The following SEPTIN12 variants were observed in gnomAD, a reference collection of about 807,000 sequenced individuals.
The protein encoded by SEPTIN12 is septin-12.
Under a neutral mutation model 37.7 loss-of-function variants are expected in SEPTIN12, and 42 were observed. The ratio of observed to expected loss-of-function variants is 1.11; its 90% CI spans 0.87 to 1.44. The LOEUF (loss-of-function observed/expected upper bound fraction) is 1.44. SEPTIN12 is among the 40% of genes most tolerant of loss of function. SEPTIN12 has a pLI of 0.00. For synonymous variants in SEPTIN12, 254 were observed against 196.7 expected (o/e 1.29, Z -2.44); for missense variants, 613 against 479.2 (o/e 1.28, Z -2.61).
At chr16:4,783,860 T>C (rs112713748) in intron 5 of SEPTIN12, 71 bp downstream of exon 5, 296,301 of 1,605,198 alleles carry the variant, frequency 0.18, 29,862 homozygotes, top group Admixed American at 0.24. Context: ...CGGCAGCCCA[T>C]GGTGGGGACC....
chr16:4,786,059 C>T lies in SEPTIN12; in HGVS notation c.213G>A (p.Lys71=), dbSNP rs768724865. The change falls in exon 3 of 10, where the codon AAG becomes AAA. Residue 71 remains lysine, a synonymous_variant. Transcript: ENST00000268231. ...GKSTMVNTLF[K]SKVWKSNPPG... ...GTGGGTTTGACTTCCACACTTTGGA[C>T]TTGAACAGCGTGTTCACCATCGTGG... is the stretch of plus-strand genomic sequence containing the variant. The T allele has an allele frequency of 6.2e-7, 1 of 1,613,996 alleles. No individual in the cohort carries two copies. The highest frequency in any genetic ancestry group is 1.1e-5 in the South Asian group (1 of 91,044).
At position 4,778,114 on chromosome 16, in the gene SEPTIN12, A is replaced by G. The variant is rs1463695297; in HGVS notation, c.847T>C (p.Phe283Leu). 1.9e-6 allele frequency: 3 copies of G among 1,614,184 alleles called. No homozygotes were observed. The highest frequency in any genetic ancestry group is 2.5e-6 in the Non-Finnish European group (3 of 1,180,026). ...IEVENMAHCE[F>L]PLLRDLLIRS... is the part of the protein sequence containing the mutation. ...ATAAGCAGGTCTCTCAGGAGAGGAA[A>G]TTCACAGTGCGCCATGTTCTCCACT... The change falls in exon 9 of 10, where the codon TTT becomes CTT. Residue 283 changes from phenylalanine (F) to leucine (L), a missense_variant. By Grantham distance (22) the Phe-to-Leu change is conservative. Transcript: ENST00000268231.
chr16:4,783,250 T>C, intron 7 of SEPTIN12: 1 of 589,912 alleles, frequency 1.7e-6, no homozygotes, highest in Non-Finnish European at 3.1e-6. Context: ...CCTTATTGGG[T>C]ATGTGATTCG....
intron 7 of SEPTIN12, among the ~76,000 whole-genome samples, chr16:4,780,578 C>T (rs1386723131): frequency 6.6e-6 from 1 of 152,174 alleles, no homozygotes; most frequent in Non-Finnish European, 1.5e-5. Context: ...CCGTAAACTC[C>T]AGTTGTTTAC....
At position 4,783,926 on chromosome 16, in the gene SEPTIN12, C is replaced by A; in HGVS notation, c.512+5G>T. 1 of 1,614,106 alleles carries A rather than the reference C, an allele frequency of 6.2e-7. No individual in the cohort carries two copies. The highest frequency in any genetic ancestry group is 8.5e-7 in the Non-Finnish European group (1 of 1,179,948). ...GTCCTCGCCTTGCAGGTGCAGCCCC[C>A]TCACCAGTGCCCAGTGGGTGGTACA... On this transcript the variant is annotated splice_donor_5th_base_variant and intron_variant, in intron 5 of 9. Transcript: ENST00000268231.
upstream of SEPTIN12, among the ~76,000 whole-genome samples, chr16:4,790,469 C>T (rs1472598749): frequency 6.6e-6 from 1 of 152,166 alleles, no homozygotes; most frequent in African/African-American, 2.4e-5. Context: ...CCCGCTCCTT[C>T]CTGGAGGCTT....
In SEPTIN12 at chr16:4,783,986, T is replaced by C; in HGVS notation, c.457A>G (p.Ile153Val). 1 of 1,614,166 alleles carries C rather than the reference T, an allele frequency of 6.2e-7. No individual in the cohort carries two copies. The highest frequency in any genetic ancestry group is 8.5e-7 in the Non-Finnish European group (1 of 1,180,016). ...CAGCAGTGCACCCGGGTGTCTGGGA[T>C]GTGGCGCTGGCGGGTGATGAGGATC... ...EEILITRQRHIPDTRVHCCVY... is the reference protein window; with the variant it reads ...EEILITRQRHVPDTRVHCCVY... The change falls in exon 5 of 10, where the codon ATC (isoleucine) becomes GTC (valine). Residue 153 changes from isoleucine (I) to valine (V), a missense_variant. Ile to Val is a conservative substitution (Grantham distance 29). Transcript: ENST00000268231.
chr16:4,791,373 C>T (rs556021153), upstream of SEPTIN12, among the ~76,000 whole-genome samples: 6 of 152,236 alleles, frequency 3.9e-5, no homozygotes, highest in South Asian at 2.1e-4. Flanking sequence ...GTCAACACGG[C>T]GATAATAGCA....
At chr16:4,786,210 G>T in intron 2 of SEPTIN12, 105 bp from the exon 3 acceptor site, 1 of 1,410,878 alleles carries the variant, frequency 7.1e-7, no homozygotes, top group Non-Finnish European at 9.5e-7. Flanking sequence ...TTCTCACTCT[G>T]TCACCCAGGC....
intron 7 of SEPTIN12, among the ~76,000 whole-genome samples, 162 bp from the exon 8 acceptor site, chr16:4,779,948 T>C (rs776076816): frequency 1.3e-5 from 2 of 152,000 alleles, no homozygotes; most frequent in South Asian, 2.1e-4. Flanking sequence ...TAAAGTCTAA[T>C]TGGTGCCTCT....
At chr16:4,779,421 G>T (rs185740990) in intron 8 of SEPTIN12, among the ~76,000 whole-genome samples, 3 of 152,158 alleles carry the variant, frequency 2.0e-5, no homozygotes, top group Admixed American at 6.6e-5. Context: ...CTTGGGTATT[G>T]GGCATTGTGC....
In SEPTIN12 at chr16:4,779,746, T is replaced by G; in HGVS notation, c.767A>C (p.His256Pro). ...CAGGACACACCTCCCGTTCACCAGGTGCTCTTGGTCAGCCCCTACCACGGC... is the reference window on the plus strand; with the variant it reads ...CAGGACACACCTCCCGTTCACCAGGGGCTCTTGGTCAGCCCCTACCACGGC... ...PFAVVGADQE[H>P]LVNGRCVLGR... Residue 256 changes from histidine to proline, a missense_variant, in exon 8 of 10, where the codon CAC becomes CCC. His to Pro is a moderately conservative substitution (Grantham distance 77). Coordinates refer to ENST00000268231, the MANE Select transcript of SEPTIN12 (RefSeq NM_144605.5). 1 of 1,613,762 alleles carries G rather than the reference T, an allele frequency of 6.2e-7. No individual in the cohort carries two copies. Among genetic ancestry groups the G allele is most frequent in the Non-Finnish European group, 8.5e-7 (1 of 1,179,706 alleles).
intron 2 of SEPTIN12, among the ~76,000 whole-genome samples, chr16:4,786,951 TACA>T (rs777390026): frequency 2.6e-5 from 4 of 152,100 alleles, no homozygotes; most frequent in African/African-American, 7.2e-5. Flanking sequence ...CTCGGCTCAC[TACA>T]ACATCTGCCT....
intron 7 of SEPTIN12, among the ~76,000 whole-genome samples, chr16:4,780,973 T>C (rs1369278895): frequency 6.6e-6 from 1 of 151,450 alleles, no homozygotes; most frequent in Admixed American, 6.6e-5. Context: ...AACAAGACCC[T>C]GTCTCTGCTG....
At chr16:4,784,830 C>T (rs1280296438) in intron 4 of SEPTIN12, among the ~76,000 whole-genome samples, 1 of 151,686 alleles carries the variant, frequency 6.6e-6, no homozygotes, top group Non-Finnish European at 1.5e-5. Flanking sequence ...GAAACCAGGG[C>T]CAGGTGCGGT....
chr16:4,781,277 T>G (rs1227135843), intron 7 of SEPTIN12, among the ~76,000 whole-genome samples: 1 of 146,934 alleles, frequency 6.8e-6, no homozygotes, highest in Non-Finnish European at 1.5e-5. Flanking sequence ...AAAAAGACCC[T>G]ATCTCATAAA....
rs774091518 is a variant in SEPTIN12 at position 4,785,805 on chromosome 16, AC to A, written c.374+1del. The A allele has an allele frequency of 6.3e-7, 1 of 1,596,616 alleles. No individual in the cohort carries two copies. Among genetic ancestry groups the A allele is most frequent in the Non-Finnish European group, 8.6e-7 (1 of 1,169,184 alleles). ...AAAAAAAAAAAAAGAGAGAGAACCT[AC>A]CAGTTGTCATTGTTGATCTGGTCCC... On this transcript the variant is annotated splice_donor_variant, in intron 4 of 9. Transcript: ENST00000268231. LOFTEE classifies it high-confidence loss of function.
chr16:4,786,021 ACC>A lies in SEPTIN12; in HGVS notation c.249_250del (p.Val84AlafsTer39). The A allele has an allele frequency of 2.5e-6, 4 of 1,613,512 alleles. No individual in the cohort carries two copies. Among genetic ancestry groups the A allele is most frequent in the Non-Finnish European group, 3.4e-6 (4 of 1,179,836 alleles). The stretch of plus-strand genomic sequence containing the variant: ...CAGCTGCAGCGTCTGGGGTGTGGGC[ACC>A]CCCAAGCCCGGTGGGTTTGACTTCC... On this transcript the variant is annotated frameshift_variant, in exon 3 of 10. Coordinates refer to ENST00000268231, the MANE Select transcript of SEPTIN12 (RefSeq NM_144605.5). LOFTEE classifies it high-confidence loss of function.
In SEPTIN12 at chr16:4,785,809, G is replaced by A. The variant is rs2082432638; in HGVS notation, c.372C>T (p.Asn124=). 2 of 1,597,900 alleles carry A rather than the reference G, an allele frequency of 1.3e-6. No individual in the cohort carries two copies. Among genetic ancestry groups the A allele is most frequent in the Non-Finnish European group, 8.6e-7 (1 of 1,166,924 alleles). ...AAAAAAAAAGAGAGAGAACCTACCAGTTGTCATTGTTGATCTGGTCCCCGA... is the reference window on the plus strand; with the variant it reads ...AAAAAAAAAGAGAGAGAACCTACCAATTGTCATTGTTGATCTGGTCCCCGA... ...PGFGDQINND[N]CWDPILGYIN... Residue 124 remains asparagine (N), a splice_region_variant and synonymous_variant, in exon 4 of 10, where the codon AAC becomes AAT. Transcript: ENST00000268231.
Sources: allele counts gnomAD v4.1 joint callset (sites outside exome capture counted in the v4.1 genomes callset), GRCh38; gene constraint gnomAD v4.1.1; transcripts MANE v1.5; gene names NCBI Gene and HGNC (gene_info 2026-07-23, HGNC 2026-07-21).